The following SRFBP1 variants were observed in gnomAD, a reference collection of about 807,000 sequenced individuals.
SRFBP1 encodes the protein serum response factor binding protein 1.
In SRFBP1, 47 loss-of-function variants were observed where a neutral mutation model predicts 45.5. The ratio of observed to expected loss-of-function variants is 1.03; its 90% CI spans 0.82 to 1.32. SRFBP1 has a LOEUF of 1.32. SRFBP1 is among the 40% of genes most tolerant of loss of function. SRFBP1 has a pLI of 0.00. For missense variants in SRFBP1, 621 were observed against 484.6 expected (o/e 1.28, Z -2.64); for synonymous variants, 203 against 166.3 (o/e 1.22, Z -1.70).
intron 2 of SRFBP1, among the ~76,000 whole-genome samples, chr5:122,047,523 A>C (rs1012779139): frequency 6.6e-6 from 1 of 152,084 alleles, no homozygotes; most frequent in African/African-American, 2.4e-5. Context: ...TTGTCTTGGC[A>C]ATGCGGGCTC....
intron 2 of SRFBP1, among the ~76,000 whole-genome samples, chr5:122,041,881 C>A (rs1753779618): frequency 6.6e-6 from 1 of 152,146 alleles, no homozygotes; most frequent in Admixed American, 6.5e-5. Context: ...TTGTTTATTT[C>A]TGACTTTAAT....
chr5:121,986,219 CTT>C (rs989376917), intron 3 of SRFBP1, among the ~76,000 whole-genome samples: 1 of 152,042 alleles, frequency 6.6e-6, no homozygotes, highest in African/African-American at 2.4e-5. Flanking sequence ...GAAGAATTAA[CTT>C]AACAAAAATT....
chr5:122,071,240 A>C (rs1420190696), intron 2 of SRFBP1, among the ~76,000 whole-genome samples: 2 of 151,842 alleles, frequency 1.3e-5, no homozygotes, highest in Non-Finnish European at 2.9e-5. Context: ...CAATTTTCAC[A>C]ACTACATGAG....
chr5:122,054,434 G>T (rs758942879), intron 2 of SRFBP1, among the ~76,000 whole-genome samples: 20 of 152,318 alleles, frequency 1.3e-4, no homozygotes, highest in Non-Finnish European at 2.8e-4. Context: ...CCCCAGTGTG[G>T]TTTCTCAGAT....
At chr5:122,001,894 A>G (rs1354220985) in intron 4 of SRFBP1, among the ~76,000 whole-genome samples, 2 of 152,200 alleles carry the variant, frequency 1.3e-5, no homozygotes, top group African/African-American at 4.8e-5. Context: ...TGCTAAGGAC[A>G]GTACAAGAAA....
intron 2 of SRFBP1, among the ~76,000 whole-genome samples, chr5:122,043,289 C>T (rs1221703059): frequency 6.6e-6 from 1 of 151,904 alleles, no homozygotes; most frequent in Admixed American, 6.6e-5. Context: ...GATTTTGGCT[C>T]ACTGCAACCT....
At chr5:121,963,127 G>A (rs1751986829) in intron 1 of SRFBP1, among the ~76,000 whole-genome samples, 1 of 152,158 alleles carries the variant, frequency 6.6e-6, no homozygotes, top group African/African-American at 2.4e-5. Flanking sequence ...CCAGGCAGAG[G>A]GACTGGTATA....
downstream of SRFBP1, among the ~76,000 whole-genome samples, chr5:122,030,856 A>G (rs1050764107): frequency 2.0e-5 from 3 of 152,216 alleles, no homozygotes; most frequent in Non-Finnish European, 4.4e-5. Flanking sequence ...GACCTTACAC[A>G]TAAATAGTTC....
intron 7 of SRFBP1, among the ~76,000 whole-genome samples, chr5:122,023,635 G>A (rs1339991749): frequency 6.6e-6 from 1 of 152,066 alleles, no homozygotes; most frequent in Non-Finnish European, 1.5e-5. Flanking sequence ...GTCTAGGGAG[G>A]GTCTTTGTTT....
intron 1 of SRFBP1, among the ~76,000 whole-genome samples, chr5:121,970,091 A>G (rs183429260): frequency 6.6e-6 from 1 of 152,218 alleles, no homozygotes. Flanking sequence ...AGCCAACTTT[A>G]CAATTCCTGG....
At chr5:121,975,280 T>C (rs1752278841) in intron 2 of SRFBP1, 35 bp from the exon 3 acceptor site, 4 of 1,605,340 alleles carry the variant, frequency 2.5e-6, no homozygotes, top group Non-Finnish European at 3.4e-6. Flanking sequence ...AATTAATGCT[T>C]TGCCTGGCTA....
At chr5:122,050,955 C>T (rs1309338258) in intron 2 of SRFBP1, among the ~76,000 whole-genome samples, 1 of 152,046 alleles carries the variant, frequency 6.6e-6, no homozygotes, top group Non-Finnish European at 1.5e-5. Flanking sequence ...GTTGTATCTT[C>T]GTTCAAATTA....
chr5:122,031,799 G>A (rs1477344951), downstream of SRFBP1, among the ~76,000 whole-genome samples: 3 of 152,194 alleles, frequency 2.0e-5, no homozygotes, highest in African/African-American at 4.8e-5. Context: ...CTGGATTCAG[G>A]CATAAAAAGG....
At chr5:122,003,413 C>G (rs1408838249) in intron 4 of SRFBP1, among the ~76,000 whole-genome samples, 1 of 150,546 alleles carries the variant, frequency 6.6e-6, no homozygotes, top group Non-Finnish European at 1.5e-5. Context: ...AGGTCTTAGA[C>G]AAAATAATGA....
At chr5:122,074,005 C>T (rs1272253039) in intron 2 of SRFBP1, 2 of 1,609,054 alleles carry the variant, frequency 1.2e-6, no homozygotes, top group African/African-American at 1.3e-5. Context: ...TTCAGGGTGC[C>T]AACATACCTG....
intron 2 of SRFBP1, among the ~76,000 whole-genome samples, chr5:122,040,814 G>A (rs766466021): frequency 6.6e-6 from 1 of 152,092 alleles, no homozygotes; most frequent in Non-Finnish European, 1.5e-5. Flanking sequence ...ATACCTGCAA[G>A]CCTCCCTCCC....
chr5:121,971,238 G>T (rs1241813351), intron 1 of SRFBP1, among the ~76,000 whole-genome samples: 1 of 151,978 alleles, frequency 6.6e-6, no homozygotes, highest in African/African-American at 2.4e-5. Context: ...AGAAGAACAG[G>T]TGTGGAGAAA....
At chr5:122,057,564 T>C (rs1225843440) in intron 2 of SRFBP1, among the ~76,000 whole-genome samples, 1 of 151,194 alleles carries the variant, frequency 6.6e-6, no homozygotes, top group Non-Finnish European at 1.5e-5. Context: ...TGTCCTCAAG[T>C]GATCCTCCCT....
rs765252042 is a variant in SRFBP1 at position 122,020,399 on chromosome 5, C to G, written c.664C>G (p.Pro222Ala). 1.2e-6 allele frequency: 2 copies of G among 1,613,956 alleles called. No homozygotes were observed. The highest frequency in any genetic ancestry group is 2.2e-5 in the East Asian group (1 of 44,890). Residue 222 changes from proline to alanine, a missense_variant, in exon 6 of 8, where the codon CCT (proline) becomes GCT (alanine). Physicochemically the swap from Pro to Ala is conservative, Grantham distance 27 (BLOSUM62 -1). Coordinates refer to ENST00000339397, the MANE Select transcript of SRFBP1 (RefSeq NM_152546.3). ...AGTTTCCCTTGAGTCCCAGAAGACA[C>G]CTGCTGACCCAAAACTGAAAACTCT... ...SVVSLESQKT[P>A]ADPKLKTLSQ...
Sources: gnomAD v4.1 joint callset for allele counts (sites outside exome capture counted in the v4.1 genomes callset) on GRCh38, gnomAD v4.1.1 for gene constraint, MANE v1.5 for transcripts, NCBI Gene and HGNC (gene_info 2026-07-23, HGNC 2026-07-21) for gene names.